Variants in DLGAP4 observed in about 807,000 individuals in gnomAD.
DLGAP4 encodes disks large-associated protein 4.
DLGAP4 carries 18 observed loss-of-function variants against 86.9 expected under a neutral mutation model. That is an observed-to-expected ratio of 0.21 (90% CI 0.14 to 0.31). The LOEUF is 0.31. DLGAP4 is among the 10% of genes least tolerant of loss of function. The pLI, the probability that DLGAP4 is intolerant of heterozygous loss-of-function variation, is 1.00. For missense variants in DLGAP4, 1,085 were observed against 1,362.6 expected, an observed-to-expected ratio of 0.80 and a Z score of 3.21; for synonymous variants, 548 against 574.3, an observed-to-expected ratio of 0.95 and a Z score of 0.65.
intron 1 of DLGAP4, among the ~76,000 whole-genome samples, chr20:36,352,468 A>C: frequency 6.9e-6 from 1 of 144,594 alleles, no homozygotes; most frequent in South Asian, 2.3e-4. Context: ...GGGGGTGGGG[A>C]GGGCCGGCTG....
chr20:36,315,625 T>C (rs1166392427), intron 1 of DLGAP4, among the ~76,000 whole-genome samples: 1 of 152,044 alleles, frequency 6.6e-6, no homozygotes, highest in African/African-American at 2.4e-5. Context: ...CTCAGGACAT[T>C]TGAGCAACAT....
chr20:36,327,084 C>T (rs2065222924), intron 1 of DLGAP4, among the ~76,000 whole-genome samples: 1 of 149,672 alleles, frequency 6.7e-6, no homozygotes, highest in Non-Finnish European at 1.5e-5. Flanking sequence ...ACTGCAGCCT[C>T]CGCTACCCAG....
chr20:36,452,212 T>C (rs1317888799), intron 7 of DLGAP4, among the ~76,000 whole-genome samples: 1 of 151,944 alleles, frequency 6.6e-6, no homozygotes, highest in Non-Finnish European at 1.5e-5. Flanking sequence ...AGGATCTCCA[T>C]GTGTCACCCA....
chr20:36,374,507 A>G (rs1334580941), intron 2 of DLGAP4, among the ~76,000 whole-genome samples: 1 of 152,210 alleles, frequency 6.6e-6, no homozygotes, highest in Non-Finnish European at 1.5e-5. Context: ...TGCCAGGGTA[A>G]GAACTTGGAC....
At chr20:36,325,743 G>T (rs1450267686) in intron 1 of DLGAP4, among the ~76,000 whole-genome samples, 3 of 147,818 alleles carry the variant, frequency 2.0e-5, no homozygotes, top group Non-Finnish European at 4.5e-5. Context: ...TTGAGACTGA[G>T]TCTCGCTCTG....
chr20:36,392,191 G>T (rs2031806623), intron 2 of DLGAP4, among the ~76,000 whole-genome samples: 1 of 152,186 alleles, frequency 6.6e-6, no homozygotes, highest in African/African-American at 2.4e-5. Context: ...CAGCTCAGGT[G>T]CTAGGGGCTG....
At chr20:36,318,571 G>A (rs925663813) in intron 1 of DLGAP4, among the ~76,000 whole-genome samples, 63 of 152,080 alleles carry the variant, frequency 4.1e-4, no homozygotes, top group African/African-American at 9.7e-4. Context: ...ATAGGATCTC[G>A]CTTTGCTGCC....
In DLGAP4 at chr20:36,528,406, T is replaced by A. The variant is rs1366233077; in HGVS notation, c.*1375T>A. ...ATGCTGTGTATGCGCCTCTCTGGCA[T>A]CCGAGACATCCTCTTGGCTGGCGCT... On this transcript the variant is annotated 3_prime_UTR_variant, in exon 13 of 13. Transcript: ENST00000339266. 5 of 152,172 alleles carry A rather than the reference T, an allele frequency of 3.3e-5. No individual in the cohort carries two copies. Among genetic ancestry groups the A allele is most frequent in the African/African-American group, 1.2e-4 (5 of 41,088 alleles). 9.4% of individuals were successfully genotyped at this position (152,172 alleles called of 1,614,324 possible). A position where few individuals can be genotyped will look rare whatever the true frequency, so the allele number is the denominator to read the frequency against.
chr20:36,476,706 T>TTTTG (rs2034953111), intron 7 of DLGAP4, among the ~76,000 whole-genome samples: 2 of 100,704 alleles, frequency 2.0e-5, no homozygotes, highest in African/African-American at 1.2e-4. Flanking sequence ...TTTTTTTTGG[T>TTTTG]TTTTTTTTTT....
intron 2 of DLGAP4, among the ~76,000 whole-genome samples, chr20:36,408,544 T>C (rs887361832): frequency 6.6e-6 from 1 of 152,182 alleles, no homozygotes; most frequent in Non-Finnish European, 1.5e-5. Flanking sequence ...TGCCACAGGT[T>C]TCATCCTGCC....
At chr20:36,491,881 A>T (rs1481960859) in intron 7 of DLGAP4, among the ~76,000 whole-genome samples, 1 of 152,160 alleles carries the variant, frequency 6.6e-6, no homozygotes, top group Admixed American at 6.5e-5. Context: ...CATAACCCCA[A>T]TCCTGGCATG....
intron 12 of DLGAP4, 26 bp downstream of exon 12, chr20:36,526,032 A>T: frequency 6.2e-7 from 1 of 1,612,414 alleles, no homozygotes; most frequent in South Asian, 1.1e-5. Flanking sequence ...TGCGGAGGGG[A>T]AGTCCAGGGA....
At chr20:36,396,457 GCAC>G (rs1600479284) in intron 2 of DLGAP4, among the ~76,000 whole-genome samples, 34 of 19,012 alleles carry the variant, frequency 1.8e-3, no homozygotes, top group Middle Eastern at 0.045. Flanking sequence ...CACATCACAT[GCAC>G]ACACACACAT....
intron 7 of DLGAP4, among the ~76,000 whole-genome samples, chr20:36,453,211 T>A (rs1008394551): frequency 6.6e-5 from 10 of 152,186 alleles, no homozygotes; most frequent in African/African-American, 2.4e-4. Context: ...CACGGTGCTA[T>A]AATCCCAGCA....
chr20:36,406,601 G>C (rs1240910773), intron 2 of DLGAP4, among the ~76,000 whole-genome samples: 2 of 152,034 alleles, frequency 1.3e-5, no homozygotes, highest in African/African-American at 4.8e-5. Flanking sequence ...CCGGTCAGTT[G>C]TTGATGCCCC....
rs781644682 is a variant in DLGAP4, at chr20:36,500,378, G to A, written c.2279G>A (p.Arg760His). The change falls in exon 10 of 13, where the codon CGC (arginine) becomes CAC (histidine). Residue 760 changes from arginine to histidine, a missense_variant. By Grantham distance (29) the Arg-to-His change is conservative. This residue lies in a region of DLGAP4 where 1,082 missense variants were observed against 1,344.1 expected (regional missense o/e 0.81). Coordinates refer to ENST00000339266, the MANE Select transcript of DLGAP4 (RefSeq NM_001365621.2). This position sits in a 1 kb window ranked among gnomAD's most constrained non-coding sequence, Gnocchi z 4.6. ...GCCCCCAAGATTGCCCAGATCAAGC[G>A]CAACCTCTCCTATGGAGACAACAGC... ...RQAPKIAQIK[R>H]NLSYGDNSDP... 61 of 1,609,256 alleles carry A rather than the reference G, an allele frequency of 3.8e-5. No individual in the cohort carries two copies. The highest frequency in any genetic ancestry group is 1.0e-4 in the South Asian group (9 of 90,270).
At chr20:36,420,115 G>A (rs1323989084) in intron 2 of DLGAP4, among the ~76,000 whole-genome samples, 1 of 152,218 alleles carries the variant, frequency 6.6e-6, no homozygotes, top group Non-Finnish European at 1.5e-5. Context: ...TAACTACCCT[G>A]TAGCTGCCTC....
chr20:36,307,959 C>T (rs782358442), intron 1 of DLGAP4, among the ~76,000 whole-genome samples: 2 of 152,242 alleles, frequency 1.3e-5, no homozygotes, highest in Non-Finnish European at 1.5e-5. Flanking sequence ...GGGCACTGGG[C>T]TGCCTGGTCC....
At chr20:36,516,362 C>T (rs996896682) in intron 10 of DLGAP4, among the ~76,000 whole-genome samples, 11 of 152,086 alleles carry the variant, frequency 7.2e-5, no homozygotes, top group Non-Finnish European at 1.5e-4. Context: ...TGCCATGCCT[C>T]AGAGTTTTAA....
Sources: allele counts gnomAD v4.1 joint callset (sites outside exome capture counted in the v4.1 genomes callset), GRCh38; gene constraint gnomAD v4.1.1; regional missense constraint gnomAD v4.1.1; non-coding constraint Gnocchi (gnomAD v3.1); transcripts MANE v1.5; gene names NCBI Gene and HGNC (gene_info 2026-07-23, HGNC 2026-07-21).